Variants in MYH11 observed in about 807,000 individuals in gnomAD.
The protein encoded by MYH11 is myosin-11.
Under a neutral mutation model 246.6 loss-of-function variants are expected in MYH11, and 80 were observed. The ratio of observed to expected loss-of-function variants is 0.32; its 90% confidence interval spans 0.27 to 0.39. The LOEUF is 0.39. Among genes scored for constraint, MYH11 ranks in the 10% least tolerant of loss-of-function variants. The pLI is 1.00. For missense variants in MYH11, 2,158 were observed against 2,546.8 expected (o/e 0.85, Z 3.29); for synonymous variants, 1,071 against 1,015.5 (o/e 1.05, Z -1.04).
intron 15 of MYH11, among the ~76,000 whole-genome samples, chr16:15,751,390 T>C (rs995982442): frequency 2.6e-4 from 39 of 151,904 alleles, no homozygotes; most frequent in African/African-American, 8.9e-4. Context: ...CTCGAACTCC[T>C]GACCTCAGGT....
At chr16:15,763,741 T>TGCCCCCCCCC in intron 10 of MYH11, 55 bp downstream of exon 10, 2 of 646,858 alleles carry the variant, frequency 3.1e-6, no homozygotes, top group South Asian at 1.4e-5. Context: ...AAATGTCACC[T>TGCCCCCCCCC]CCCCCACCCC....
In MYH11 at chr16:15,719,587, C is replaced by T; in HGVS notation, c.5080G>A (p.Glu1694Lys). 6.2e-7 allele frequency: 1 copy of T among 1,614,146 alleles called. No individual in the cohort carries two copies. Among genetic ancestry groups the T allele is most frequent in the Non-Finnish European group, 8.5e-7 (1 of 1,180,044 alleles). ...SLEADLMQLQ[E>K]DLAAAERARK... ...CTCCTAGCAAGGCGAGGCTTTACCT[C>T]TTGTAGCTGCATGAGGTCTGCTTCC... is the stretch of plus-strand genomic sequence containing the variant. The change falls in exon 35 of 41, where the codon GAG (glutamate) becomes AAG (lysine). Residue 1694 changes from glutamate to lysine, a missense_variant and splice_region_variant. Around this residue, in one of 11 missense-constraint regions of MYH11, gnomAD observed 1,013 missense variants for 993.5 expected, o/e 1.02. Transcript: ENST00000300036.
chr16:15,775,865 T>C, intron 8 of MYH11: 2 of 614,642 alleles, frequency 3.3e-6, no homozygotes, highest in Non-Finnish European at 5.9e-6. Context: ...ATGGCTACTA[T>C]GTCACATAGT....
chr16:15,856,692 G>A (rs1324670877), intron 1 of MYH11, among the ~76,000 whole-genome samples: 1 of 151,188 alleles, frequency 6.6e-6, no homozygotes, highest in Admixed American at 6.6e-5. Flanking sequence ...CATTGATATC[G>A]TTAATAAGCA....
At chr16:15,793,552 C>A (rs954153805) in intron 4 of MYH11, among the ~76,000 whole-genome samples, 1 of 151,984 alleles carries the variant, frequency 6.6e-6, no homozygotes, top group Non-Finnish European at 1.5e-5. Context: ...CTCGGCCTCT[C>A]AAGGCCCTGA....
Position 15,748,088 on chromosome 16 carries a change from C to G in MYH11, c.2139G>C (p.Gln713His), listed in dbSNP as rs779897931. Residue 713 changes from glutamine (Q) to histidine (H), a missense_variant, in exon 17 of 41, where the codon CAG (glutamine) becomes CAC (histidine). This residue lies in a region of MYH11 where 317 missense variants were observed against 507.7 expected (regional missense o/e 0.62). Transcript: ENST00000300036. ...GGAAGACGATCCGGTTGGGGAAGCC[C>G]TGCCGGCAGATGCGAATGCCTTCCA... is the stretch of plus-strand genomic sequence containing the variant. ...GVLEGIRICR[Q>H]GFPNRIVFQE... The G allele has an allele frequency of 2.4e-5, 38 of 1,614,076 alleles. No individual in the cohort carries two copies. The highest frequency in any genetic ancestry group is 3.0e-5 in the Non-Finnish European group (35 of 1,180,046).
intron 35 of MYH11, 56 bp from the exon 36 acceptor site, chr16:15,719,364 G>C: frequency 6.3e-7 from 1 of 1,578,136 alleles, no homozygotes; most frequent in Admixed American, 1.7e-5. Flanking sequence ...GCCCCACCAA[G>C]AGTCCACCCT....
At chr16:15,735,636 A>G in intron 25 of MYH11, 58 bp from the exon 26 acceptor site, 2 of 1,588,838 alleles carry the variant, frequency 1.3e-6, no homozygotes, top group South Asian at 2.2e-5. Context: ...CCTCTCTTAC[A>G]ATGTGGCCAA....
chr16:15,780,520 C>A (rs1365817895), intron 6 of MYH11, among the ~76,000 whole-genome samples: 1 of 112,072 alleles, frequency 8.9e-6, no homozygotes, highest in Admixed American at 1.4e-4. Context: ...CTCACTCTGT[C>A]GCCCAGGTTG....
At chr16:15,706,180 C>T (rs1389757813) in intron 40 of MYH11, among the ~76,000 whole-genome samples, 1 of 152,128 alleles carries the variant, frequency 6.6e-6, no homozygotes, top group Non-Finnish European at 1.5e-5. Context: ...TCAAAGTAAA[C>T]ACTCCTAGCC....
At chr16:15,814,871 C>A (rs965476496) in intron 3 of MYH11, among the ~76,000 whole-genome samples, 1 of 152,084 alleles carries the variant, frequency 6.6e-6, no homozygotes, top group African/African-American at 2.4e-5. Context: ...AGAGGGTCTC[C>A]GTCCTGGGGG....
chr16:15,764,036 A>G, intron 9 of MYH11, 145 bp from the exon 10 acceptor site: 1 of 717,518 alleles, frequency 1.4e-6, no homozygotes. Context: ...ATATTTTCAT[A>G]TGGTTGCTTA....
Position 15,750,003 on chromosome 16 carries a change from G to A in MYH11, c.2058+135C>T. On this transcript the variant is annotated intron_variant, in intron 16 of 40. Transcript: ENST00000300036. The surrounding 1 kb of genome is among the most constrained non-coding windows in gnomAD (Gnocchi z 4.3). Reference sequence around the variant, plus strand: ...CTCCAGGGATGGGGAATGGGTCTGAGATTCAGATAGCCTTCCCCACATGGA... The same window carrying A: ...CTCCAGGGATGGGGAATGGGTCTGAAATTCAGATAGCCTTCCCCACATGGA... 4 of 1,097,860 alleles carry A rather than the reference G, an allele frequency of 3.6e-6. No homozygotes were observed. Among genetic ancestry groups the A allele is most frequent in the Admixed American group, 2.0e-5 (1 of 49,388 alleles). 68.0% of individuals were successfully genotyped at this position (1,097,860 alleles called of 1,614,324 possible). A position where few individuals can be genotyped will look rare whatever the true frequency, so the allele number is the denominator to read the frequency against.
intron 10 of MYH11, 55 bp downstream of exon 10, chr16:15,763,741 T>TCGCCCCCCCCCCCCCCC: frequency 4.6e-6 from 3 of 646,850 alleles, no homozygotes; most frequent in Admixed American, 2.1e-5. Context: ...AAATGTCACC[T>TCGCCCCCCCCCCCCCCC]CCCCCACCCC....
chr16:15,838,228 C>T lies in MYH11; in HGVS notation c.25G>A (p.Asp9Asn), dbSNP rs1301566011. Reference sequence around the variant, plus strand: ...TCCACAAAGAGGAACTTCTCATCGTCACTGAGTTGGCCCTTCTGCGCCATG... The same window carrying T: ...TCCACAAAGAGGAACTTCTCATCGTTACTGAGTTGGCCCTTCTGCGCCATG... MAQKGQLS[D>N]DEKFLFVDKN... Residue 9 changes from aspartate to asparagine, a missense_variant, in exon 2 of 41, where the codon GAC becomes AAC. This residue lies in a region of MYH11 where 96 missense variants were observed against 91.9 expected (regional missense o/e 1.04). Coordinates refer to ENST00000300036, the MANE Select transcript of MYH11 (RefSeq NM_002474.3). 1.9e-6 allele frequency: 3 copies of T among 1,614,024 alleles called. No individual in the cohort carries two copies. The highest frequency in any genetic ancestry group is 1.7e-5 in the Admixed American group (1 of 59,988).
intron 6 of MYH11, 137 bp downstream of exon 6, chr16:15,782,248 C>A: frequency 1.3e-6 from 1 of 741,306 alleles, no homozygotes; most frequent in East Asian, 2.5e-5. Flanking sequence ...GGCAGGAGCC[C>A]TTGCAAGATT....
chr16:15,745,262 CG>C, intron 19 of MYH11, 25 bp from the exon 20 acceptor site: 2 of 1,558,988 alleles, frequency 1.3e-6, no homozygotes, highest in Non-Finnish European at 8.8e-7. Flanking sequence ...AGAGAAGGTG[CG>C]GGGGTCATGA....
At chr16:15,852,860 G>T (rs1416388675) in intron 1 of MYH11, among the ~76,000 whole-genome samples, 6 of 152,086 alleles carry the variant, frequency 3.9e-5, no homozygotes, top group Non-Finnish European at 7.4e-5. Context: ...TGCAAAAGTT[G>T]GGGAACCAGG....
intron 25 of MYH11, 75 bp from the exon 26 acceptor site, chr16:15,735,653 T>C (rs2041097058): frequency 1.4e-6 from 2 of 1,447,202 alleles, no homozygotes; most frequent in Non-Finnish European, 9.7e-7. Context: ...CCAAAAACTT[T>C]TCTGGGACCA....
Sources: gnomAD v4.1 joint callset for allele counts (sites outside exome capture counted in the v4.1 genomes callset) on GRCh38, gnomAD v4.1.1 for gene constraint, gnomAD v4.1.1 regional missense constraint, Gnocchi (gnomAD v3.1) non-coding constraint, MANE v1.5 for transcripts, NCBI Gene and HGNC (gene_info 2026-07-23, HGNC 2026-07-21) for gene names.